Variants in PTPRN2 observed in about 807,000 individuals in gnomAD.
PTPRN2 encodes the protein receptor-type tyrosine-protein phosphatase N2.
PTPRN2 carries 74 observed loss-of-function variants against 118.8 expected under a neutral mutation model. That is an observed-to-expected ratio of 0.62 (90% CI 0.52 to 0.76). The LOEUF is 0.76. Ranked by LOEUF, PTPRN2 falls within the 30% of genes least tolerant of loss-of-function variation. PTPRN2 has a pLI of 0.00. For synonymous variants in PTPRN2, 641 were observed against 608.0 expected (o/e 1.05, Z -0.80); for missense variants, 1,481 against 1,394.4 (o/e 1.06, Z -0.99).
At chr7:157,955,261 T>A (rs1801110890) in intron 11 of PTPRN2, among the ~76,000 whole-genome samples, 1 of 152,186 alleles carries the variant, frequency 6.6e-6, no homozygotes, top group African/African-American at 2.4e-5. Context: ...ATACTCTATA[T>A]TTGTGCTGGA....
In PTPRN2 at chr7:158,526,092, GC is replaced by G. The variant is rs1325744798; in HGVS notation, c.113-36308del. Among the ~76,000 whole-genome samples, 1 of 152,192 alleles carries G rather than the reference GC, an allele frequency of 6.6e-6. No homozygotes were observed. Among genetic ancestry groups the G allele is most frequent in the African/African-American group, 2.4e-5 (1 of 41,440 alleles). On this transcript the variant is annotated intron_variant, in intron 1 of 22. Coordinates refer to ENST00000389418, the MANE Select transcript of PTPRN2 (RefSeq NM_002847.5). The surrounding 1 kb of genome is among the most constrained non-coding windows in gnomAD (Gnocchi z 5.2). The stretch of plus-strand genomic sequence containing the variant: ...CGCTGTGTGGGAAGGGGGACTATCT[GC>G]CCAGTCCCTGAGGAGATGATGACTT...
chr7:158,210,034 TG>T (rs2150760250), intron 3 of PTPRN2, among the ~76,000 whole-genome samples: 2 of 151,474 alleles, frequency 1.3e-5, no homozygotes, highest in East Asian at 3.9e-4. Flanking sequence ...CAAAAACCTG[TG>T]GGATGCAGCA....
chr7:157,824,680 C>T (rs1231244512), intron 12 of PTPRN2, among the ~76,000 whole-genome samples: 1 of 152,202 alleles, frequency 6.6e-6, no homozygotes, highest in African/African-American at 2.4e-5. Flanking sequence ...GACAGGCATG[C>T]TTTTGGGTCA....
intron 12 of PTPRN2, among the ~76,000 whole-genome samples, chr7:157,800,146 GC>G (rs553301942): frequency 2.5e-3 from 336 of 131,812 alleles, no homozygotes; most frequent in African/African-American, 9.2e-3. Flanking sequence ...ACCACAGGCG[GC>G]CTCCCCATCC....
intron 12 of PTPRN2, among the ~76,000 whole-genome samples, chr7:157,755,494 T>C (rs1801727728): frequency 6.6e-6 from 1 of 152,134 alleles, no homozygotes; most frequent in African/African-American, 2.4e-5. Flanking sequence ...GTCATCCTCA[T>C]TTGATTATAA....
At chr7:158,094,743 T>C (rs1252455743) in intron 10 of PTPRN2, among the ~76,000 whole-genome samples, 2 of 152,206 alleles carry the variant, frequency 1.3e-5, no homozygotes, top group Non-Finnish European at 2.9e-5. Context: ...CCCAGGCTTT[T>C]TCCCGAAGCC....
At chr7:158,430,765 G>A (rs755496979) in intron 2 of PTPRN2, among the ~76,000 whole-genome samples, 1 of 152,356 alleles carries the variant, frequency 6.6e-6, no homozygotes, top group East Asian at 1.9e-4. Context: ...CAACTCCCAT[G>A]ACAGCTTGAA....
At chr7:158,048,641 CCAT>C (rs993009892) in intron 11 of PTPRN2, among the ~76,000 whole-genome samples, 69 of 150,916 alleles carry the variant, frequency 4.6e-4, no homozygotes, top group African/African-American at 1.6e-3. Context: ...ACCATCACCA[CCAT>C]CATCATATCA....
intron 7 of PTPRN2, among the ~76,000 whole-genome samples, chr7:158,136,983 C>G (rs942990288): frequency 1.5e-5 from 2 of 132,092 alleles, no homozygotes; most frequent in South Asian, 4.5e-4. Context: ...AGTTAACTCA[C>G]GGCAAAAAAA....
At chr7:157,999,109 CTGT>C (rs1161790129) in intron 11 of PTPRN2, among the ~76,000 whole-genome samples, 1 of 152,078 alleles carries the variant, frequency 6.6e-6, no homozygotes, top group African/African-American at 2.4e-5. Flanking sequence ...AGAGGACCTC[CTGT>C]AAACGTGAGC....
At chr7:158,569,655 G>A (rs34167129) in intron 1 of PTPRN2, among the ~76,000 whole-genome samples, 9,662 of 107,444 alleles carry the variant, frequency 0.09, 890 homozygotes, top group East Asian at 0.19. Flanking sequence ...AACGCGGGGC[G>A]CGAGGCCGCC....
intron 6 of PTPRN2, among the ~76,000 whole-genome samples, chr7:158,149,167 C>G (rs13224241): frequency 1.3e-5 from 2 of 151,936 alleles, no homozygotes; most frequent in African/African-American, 2.4e-5. Context: ...AGTGACACCC[C>G]ATCTCACGCC....
intron 11 of PTPRN2, among the ~76,000 whole-genome samples, chr7:158,016,577 C>T (rs1413530896): frequency 1.3e-5 from 2 of 152,232 alleles, no homozygotes; most frequent in Non-Finnish European, 2.9e-5. Flanking sequence ...AAGCAAGTCG[C>T]CTGCAATTGG....
chr7:157,620,565 A>T (rs1291874187), intron 15 of PTPRN2, among the ~76,000 whole-genome samples: 5 of 152,244 alleles, frequency 3.3e-5, no homozygotes, highest in African/African-American at 1.2e-4. Context: ...TACTTCAAGG[A>T]CGACAGCGTG....
intron 22 of PTPRN2, among the ~76,000 whole-genome samples, chr7:157,546,034 C>T (rs962117886): frequency 2.6e-5 from 4 of 152,162 alleles, no homozygotes; most frequent in Non-Finnish European, 5.9e-5. Context: ...TGGTGACTTT[C>T]GCATGGTTCC....
intron 12 of PTPRN2, among the ~76,000 whole-genome samples, chr7:157,752,296 C>T (rs888385799): frequency 5.3e-5 from 8 of 152,208 alleles, no homozygotes; most frequent in South Asian, 2.1e-4. Flanking sequence ...GTGACTTGTC[C>T]GAACATGACC....
chr7:157,925,246 G>C (rs915370605), intron 11 of PTPRN2, among the ~76,000 whole-genome samples: 6 of 147,136 alleles, frequency 4.1e-5, no homozygotes, highest in South Asian at 4.4e-4. Context: ...CAGGATGCAG[G>C]CACCTGCATT....
intron 12 of PTPRN2, among the ~76,000 whole-genome samples, chr7:157,799,401 A>G (rs1805088496): frequency 6.6e-6 from 1 of 152,116 alleles, no homozygotes; most frequent in Non-Finnish European, 1.5e-5. Flanking sequence ...GTGTTCCTCT[A>G]GCCACTTACT....
At chr7:158,203,621 TC>T (rs1166968304) in intron 4 of PTPRN2, among the ~76,000 whole-genome samples, 1 of 152,014 alleles carries the variant, frequency 6.6e-6, no homozygotes. Context: ...GGAGGAGCCA[TC>T]CCTTGCTTGG....
Sources: gnomAD v4.1 joint callset for allele counts (sites outside exome capture counted in the v4.1 genomes callset) on GRCh38, gnomAD v4.1.1 for gene constraint, Gnocchi (gnomAD v3.1) non-coding constraint, MANE v1.5 for transcripts, NCBI Gene and HGNC (gene_info 2026-07-23, HGNC 2026-07-21) for gene names.